The following MYO18B variants were observed in gnomAD, a reference collection of about 807,000 sequenced individuals.
MYO18B encodes myosin XVIIIB.
A neutral mutation model predicts 273.0 loss-of-function variants in MYO18B; 204 were observed. The ratio of observed to expected loss-of-function variants is 0.75; its 90% CI spans 0.67 to 0.84. The LOEUF is 0.84. MYO18B is among the 40% of genes least tolerant of loss of function. MYO18B has a pLI of 0.00. For missense variants in MYO18B, 3,212 were observed against 3,287.6 expected (o/e 0.98, Z 0.56); for synonymous variants, 1,330 against 1,305.7 (o/e 1.02, Z -0.40).
intron 11 of MYO18B, among the ~76,000 whole-genome samples, chr22:25,785,735 C>G (rs1301272756): frequency 6.6e-6 from 1 of 152,154 alleles, no homozygotes. Flanking sequence ...TGGAATCAGT[C>G]TAGTTCAAGC....
chr22:25,851,769 C>A (rs962136601), intron 21 of MYO18B, among the ~76,000 whole-genome samples, 190 bp downstream of exon 21: 3 of 152,146 alleles, frequency 2.0e-5, no homozygotes, highest in African/African-American at 7.2e-5. Context: ...TGACTAAGGT[C>A]CAGTGGGCTC....
intron 25 of MYO18B, among the ~76,000 whole-genome samples, chr22:25,887,750 C>A (rs1280651367): frequency 6.6e-6 from 1 of 152,104 alleles, no homozygotes; most frequent in African/African-American, 2.4e-5. Context: ...GTCAGGGGCA[C>A]CTTGTCTCTG....
chr22:25,743,163 C>T (rs1371965020), intron 1 of MYO18B, among the ~76,000 whole-genome samples: 1 of 152,234 alleles, frequency 6.6e-6, no homozygotes, highest in African/African-American at 2.4e-5. Flanking sequence ...GTGTGGGGAT[C>T]TGGGCTTCTA....
chr22:26,058,518 T>C, the MYO18B span, among the ~76,000 whole-genome samples: 1 of 152,184 alleles, frequency 6.6e-6, no homozygotes, highest in Non-Finnish European at 1.5e-5. Flanking sequence ...TTTGAATGTT[T>C]GTCTCCTCAA....
intron 29 of MYO18B, among the ~76,000 whole-genome samples, chr22:25,901,760 G>A (rs1291499465): frequency 6.6e-5 from 10 of 151,530 alleles, no homozygotes; most frequent in Non-Finnish European, 1.2e-4. Flanking sequence ...GATTTAAGGG[G>A]CCTTGACATA....
chr22:25,855,457 G>A (rs962835602), intron 21 of MYO18B, among the ~76,000 whole-genome samples: 9 of 151,892 alleles, frequency 5.9e-5, no homozygotes, highest in African/African-American at 2.2e-4. Flanking sequence ...CTAATTTTTT[G>A]TATTTTTAGT....
At chr22:25,799,180 C>A (rs1003280009) in intron 12 of MYO18B, among the ~76,000 whole-genome samples, 6 of 139,966 alleles carry the variant, frequency 4.3e-5, no homozygotes, top group African/African-American at 1.6e-4. Flanking sequence ...GGTGCAGTAG[C>A]CTCCTTGCTG....
At chr22:25,758,544 C>A (rs1004164730) in intron 1 of MYO18B, among the ~76,000 whole-genome samples, 1 of 151,570 alleles carries the variant, frequency 6.6e-6, no homozygotes, top group Non-Finnish European at 1.5e-5. Context: ...GAGGGGCCGA[C>A]GCACACAGGA....
At chr22:26,042,965 A>G in the MYO18B span, among the ~76,000 whole-genome samples, 1 of 152,198 alleles carries the variant, frequency 6.6e-6, no homozygotes, top group Admixed American at 6.5e-5. Context: ...GCTGAGACCT[A>G]AAGTGTGTTG....
chr22:25,996,111 CA>C (rs1321544320), intron 40 of MYO18B, among the ~76,000 whole-genome samples: 2 of 152,174 alleles, frequency 1.3e-5, no homozygotes, highest in Non-Finnish European at 2.9e-5. Context: ...GTCTGATTGC[CA>C]ATTAGAGATC....
chr22:25,751,523 G>A (rs6004754), intron 1 of MYO18B, among the ~76,000 whole-genome samples: 47,707 of 152,048 alleles, frequency 0.31, 7,850 homozygotes, highest in South Asian at 0.42. Flanking sequence ...TATCATCACT[G>A]ATGTGGAGCT....
intron 39 of MYO18B, among the ~76,000 whole-genome samples, chr22:25,986,409 C>G (rs745710356): frequency 9.9e-5 from 15 of 152,256 alleles, no homozygotes; most frequent in Middle Eastern, 6.8e-3. Flanking sequence ...TGCCTGATAT[C>G]TTACCACAGA....
At chr22:25,838,261 C>T (rs954455879) in intron 17 of MYO18B, among the ~76,000 whole-genome samples, 4 of 152,072 alleles carry the variant, frequency 2.6e-5, no homozygotes, top group African/African-American at 7.2e-5. Flanking sequence ...TGCAGTGGCG[C>T]GATCTCAGCT....
chr22:25,807,892 C>T (rs1390683979), intron 12 of MYO18B, among the ~76,000 whole-genome samples: 1 of 152,044 alleles, frequency 6.6e-6, no homozygotes, highest in Non-Finnish European at 1.5e-5. Flanking sequence ...GCTCAGTTTT[C>T]TGAGCCTCAC....
At chr22:25,752,404 G>A (rs2085958613) in intron 1 of MYO18B, among the ~76,000 whole-genome samples, 1 of 151,192 alleles carries the variant, frequency 6.6e-6, no homozygotes, top group African/African-American at 2.4e-5. Flanking sequence ...AGCCGGGATG[G>A]TCTCGATCTC....
intron 12 of MYO18B, among the ~76,000 whole-genome samples, chr22:25,811,693 T>C (rs2088769014): frequency 6.6e-6 from 1 of 152,226 alleles, no homozygotes; most frequent in African/African-American, 2.4e-5. Context: ...CCTGATTCTC[T>C]TCGTCAGCTG....
intron 18 of MYO18B, among the ~76,000 whole-genome samples, chr22:25,844,822 G>A (rs886071387): frequency 4.6e-5 from 7 of 152,200 alleles, no homozygotes; most frequent in Non-Finnish European, 8.8e-5. Context: ...CAGGAGTTGC[G>A]AGCACACAGA....
chr22:26,000,678 A>T (rs752891882), intron 40 of MYO18B, among the ~76,000 whole-genome samples: 1 of 151,890 alleles, frequency 6.6e-6, no homozygotes, highest in Non-Finnish European at 1.5e-5. Context: ...TTCGTACAAT[A>T]AACGTGAGCT....
intron 18 of MYO18B, among the ~76,000 whole-genome samples, chr22:25,844,230 G>A (rs950887630): frequency 6.6e-6 from 1 of 152,138 alleles, no homozygotes; most frequent in Non-Finnish European, 1.5e-5. Context: ...AGAACTAGGG[G>A]TTCATAAAAC....
Sources: gnomAD v4.1 joint callset for allele counts (sites outside exome capture counted in the v4.1 genomes callset) on GRCh38, gnomAD v4.1.1 for gene constraint, MANE v1.5 for transcripts, NCBI Gene and HGNC (gene_info 2026-07-23, HGNC 2026-07-21) for gene names.